KCNJ6: variants seen among roughly 807,000 people sequenced by gnomAD.
KCNJ6 encodes potassium inwardly rectifying channel subfamily J member 6, also known as G protein-activated inward rectifier potassium channel 2.
A neutral mutation model predicts 34.2 loss-of-function variants in KCNJ6; 9 were observed. The observed-to-expected ratio is 0.26, with a 90% CI of 0.16 to 0.46. KCNJ6 has a LOEUF of 0.46. Ranked by LOEUF, KCNJ6 falls within the 20% of genes least tolerant of loss-of-function variation. KCNJ6 has a pLI of 1.00. For missense variants in KCNJ6, 236 were observed against 531.3 expected (o/e 0.44, Z 5.46); for synonymous variants, 196 against 207.1 (o/e 0.95, Z 0.46).
rs1026333278 is a variant in KCNJ6, at chr21:37,869,099, C to A, written c.-27-28390G>T. Reference sequence around the variant, plus strand: ...AGGCAGTGAATTCTTTAGGGATGATCGAAGCAGGCTGTGAGTGGATCGCCT... The same window carrying A: ...AGGCAGTGAATTCTTTAGGGATGATAGAAGCAGGCTGTGAGTGGATCGCCT... On this transcript the variant is annotated intron_variant, in intron 1 of 3. Transcript: ENST00000609713. Among the ~76,000 whole-genome samples, 31 of 152,182 alleles carry A rather than the reference C, an allele frequency of 2.0e-4. 1 individual carries two copies. The highest frequency in any genetic ancestry group is 2.9e-5 in the Non-Finnish European group (2 of 68,036).
chr21:37,886,005 G>A (rs779628793), intron 1 of KCNJ6, among the ~76,000 whole-genome samples: 2 of 152,134 alleles, frequency 1.3e-5, no homozygotes, highest in African/African-American at 2.4e-5. Flanking sequence ...TCCTGGGAAG[G>A]CTGTTATCTC....
chr21:37,879,796 C>T (rs892241550), intron 1 of KCNJ6, among the ~76,000 whole-genome samples: 7 of 147,524 alleles, frequency 4.7e-5, no homozygotes, highest in South Asian at 2.1e-4. Context: ...ACATGCATGT[C>T]GGATTGGGAG....
chr21:37,735,827 G>C (rs969601711), intron 2 of KCNJ6, among the ~76,000 whole-genome samples: 4 of 152,218 alleles, frequency 2.6e-5, no homozygotes, highest in Admixed American at 2.6e-4. Context: ...AGCTGGGGCA[G>C]AGCTGGGGAG....
intron 3 of KCNJ6, among the ~76,000 whole-genome samples, chr21:37,712,290 A>G (rs1483486849): frequency 6.6e-6 from 1 of 152,104 alleles, no homozygotes; most frequent in African/African-American, 2.4e-5. Context: ...GAAAAGAAAA[A>G]CTGCATCCTG....
At chr21:37,853,916 C>T (rs1021886200) in intron 1 of KCNJ6, among the ~76,000 whole-genome samples, 1 of 143,862 alleles carries the variant, frequency 7.0e-6, no homozygotes, top group African/African-American at 2.6e-5. Flanking sequence ...AGAACAGCCA[C>T]TGAAAAAGCT....
At position 37,831,696 on chromosome 21, in the gene KCNJ6, C is replaced by T. The variant is rs1056684875; in HGVS notation, c.25+8962G>A. 2.0e-4 allele frequency among the ~76,000 whole-genome samples: 31 copies of T among 152,164 alleles called. 1 individual carries two copies. The highest frequency in any genetic ancestry group is 3.7e-4 in the Non-Finnish European group (25 of 68,034). ...ACCTGTGCTGGCAACTCAAAACCTG[C>T]ACCTGCCTCCAGTCCTGTAGCTCAC... On this transcript the variant is annotated intron_variant, in intron 2 of 3. Transcript: ENST00000609713.
At chr21:37,881,542 G>A (rs1046724476) in intron 1 of KCNJ6, among the ~76,000 whole-genome samples, 16 of 152,030 alleles carry the variant, frequency 1.1e-4, no homozygotes, top group African/African-American at 2.7e-4. Flanking sequence ...TTGTTGTTTT[G>A]AGACAGCATC....
intron 3 of KCNJ6, among the ~76,000 whole-genome samples, chr21:37,711,273 G>A (rs565345278): frequency 6.6e-6 from 1 of 152,324 alleles, no homozygotes; most frequent in South Asian, 2.1e-4. Context: ...GGACAACTCC[G>A]GTCTCCGGAA....
At position 37,624,806 on chromosome 21, in the gene KCNJ6, C is replaced by G. The variant is rs985250242; in HGVS notation, c.*353G>C. On this transcript the variant is annotated 3_prime_UTR_variant, in exon 4 of 4. Coordinates refer to ENST00000609713, the MANE Select transcript of KCNJ6 (RefSeq NM_002240.5). The stretch of plus-strand genomic sequence containing the variant: ...CACCAGAAACCTTGCTTGTCATATC[C>G]CAGGTAAAATCTTTGACACACCTTT... The G allele has an allele frequency of 4.6e-6, 1 of 215,250 alleles. No homozygotes were observed. The highest frequency in any genetic ancestry group is 5.4e-5 in the Admixed American group (1 of 18,658). 13.3% of individuals were successfully genotyped at this position (215,250 alleles called of 1,614,324 possible). A position where few individuals can be genotyped will look rare whatever the true frequency, so the allele number is the denominator to read the frequency against.
At chr21:37,651,023 TCTC>T (rs1047887549) in intron 3 of KCNJ6, among the ~76,000 whole-genome samples, 32 of 152,344 alleles carry the variant, frequency 2.1e-4, no homozygotes, top group Middle Eastern at 3.4e-3. Context: ...AAACAGACCT[TCTC>T]CTCCTAAAAC....
chr21:37,638,261 C>T (rs1265595790), intron 3 of KCNJ6, among the ~76,000 whole-genome samples: 1 of 152,174 alleles, frequency 6.6e-6, no homozygotes, highest in Non-Finnish European at 1.5e-5. Flanking sequence ...ATTCTCCTGC[C>T]TCAGCCTCCC....
rs560962939 is a variant in KCNJ6 at position 37,611,306 on chromosome 21, A to C, written c.*13853T>G. On this transcript the variant is annotated 3_prime_UTR_variant, in exon 4 of 4. Coordinates refer to ENST00000609713, the MANE Select transcript of KCNJ6 (RefSeq NM_002240.5). The stretch of plus-strand genomic sequence containing the variant: ...AAAACTCACACAAGAGCAAATAGAC[A>C]ATCTGAATAGGTATATCTCTGTTAA... The C allele has an allele frequency of 6.6e-6, 1 of 152,354 alleles. No homozygotes were observed. The highest frequency in any genetic ancestry group is 1.9e-4 in the East Asian group (1 of 5,188). 9.4% of individuals were successfully genotyped at this position (152,354 alleles called of 1,614,324 possible).
At chr21:37,834,421 A>G (rs928297033) in intron 2 of KCNJ6, among the ~76,000 whole-genome samples, 7 of 152,202 alleles carry the variant, frequency 4.6e-5, no homozygotes, top group Admixed American at 3.3e-4. Flanking sequence ...CTGTAAAAGG[A>G]AAGCCTCGTG....
chr21:37,643,462 C>T (rs1362992565), intron 3 of KCNJ6, among the ~76,000 whole-genome samples: 3 of 152,148 alleles, frequency 2.0e-5, no homozygotes, highest in Non-Finnish European at 4.4e-5. Flanking sequence ...TCTGGCCCTG[C>T]CTCTACCCTT....
At chr21:37,886,683 C>T (rs990890646) in intron 1 of KCNJ6, among the ~76,000 whole-genome samples, 6 of 152,280 alleles carry the variant, frequency 3.9e-5, no homozygotes, top group African/African-American at 7.2e-5. Flanking sequence ...TCTTAACAGA[C>T]GAAGAGCTGC....
chr21:37,745,204 C>T (rs1249735856), intron 2 of KCNJ6, among the ~76,000 whole-genome samples: 4 of 150,562 alleles, frequency 2.7e-5, no homozygotes, highest in African/African-American at 9.8e-5. Flanking sequence ...AAGTGATACT[C>T]CTGCCTCAGC....
At chr21:37,802,418 C>T (rs1203411890) in intron 2 of KCNJ6, among the ~76,000 whole-genome samples, 1 of 151,978 alleles carries the variant, frequency 6.6e-6, no homozygotes, top group African/African-American at 2.4e-5. Context: ...ATCCAGAGGG[C>T]CCAATATAAT....
intron 2 of KCNJ6, among the ~76,000 whole-genome samples, chr21:37,735,594 C>A (rs2054908638): frequency 6.6e-6 from 1 of 152,206 alleles, no homozygotes; most frequent in Admixed American, 6.5e-5. Flanking sequence ...TTGGGCTCCA[C>A]CCCATAGACT....
chr21:37,871,201 C>T (rs545686715), intron 1 of KCNJ6, among the ~76,000 whole-genome samples: 12 of 152,248 alleles, frequency 7.9e-5, no homozygotes, highest in African/African-American at 2.9e-4. Flanking sequence ...TTGGGCACAC[C>T]TTGCATCCTG....
Sources: gnomAD v4.1 joint callset for allele counts (sites outside exome capture counted in the v4.1 genomes callset) on GRCh38, gnomAD v4.1.1 for gene constraint, MANE v1.5 for transcripts, NCBI Gene and HGNC (gene_info 2026-07-23, HGNC 2026-07-21) for gene names.